The following FRMD4B variants were observed in gnomAD, a reference collection of about 807,000 sequenced individuals.
The protein encoded by FRMD4B is FERM domain containing 4B.
A neutral mutation model predicts 141.5 loss-of-function variants in FRMD4B; 74 were observed. That is an observed-to-expected ratio of 0.52 (90% CI 0.43 to 0.63). FRMD4B has a LOEUF of 0.63. Among genes scored for constraint, FRMD4B ranks in the 30% least tolerant of loss-of-function variants. FRMD4B has a pLI of 0.00. For synonymous variants in FRMD4B, 506 were observed against 467.9 expected (o/e 1.08, Z -1.05); for missense variants, 1,366 against 1,253.4 (o/e 1.09, Z -1.36).
chr3:69,381,996 CT>C (rs1704130553), intron 1 of FRMD4B, among the ~76,000 whole-genome samples: 1 of 152,022 alleles, frequency 6.6e-6, no homozygotes, highest in South Asian at 2.1e-4. Flanking sequence ...CTTAAGGAGC[CT>C]TTTTAGATTT....
intron 1 of FRMD4B, among the ~76,000 whole-genome samples, chr3:69,537,076 A>G (rs1003025446): frequency 2.6e-5 from 4 of 152,208 alleles, no homozygotes; most frequent in African/African-American, 9.6e-5. Context: ...AATTTAATCT[A>G]TTAAATAGAT....
intron 1 of FRMD4B, among the ~76,000 whole-genome samples, chr3:69,447,254 GAGGTTGGCCAAATGTAGT>G (rs1453573277): frequency 6.6e-6 from 1 of 152,068 alleles, no homozygotes; most frequent in Non-Finnish European, 1.5e-5. Context: ...GAAAATCTGT[GAGGTTGGCCAAATGTAGT>G]TATTGTACCT....
At chr3:69,446,336 TTTA>T (rs1386726249) in intron 1 of FRMD4B, among the ~76,000 whole-genome samples, 1 of 151,390 alleles carries the variant, frequency 6.6e-6, no homozygotes, top group Non-Finnish European at 1.5e-5. Flanking sequence ...TACAAATTTT[TTTA>T]TTTTTTTTCT....
At chr3:69,267,831 T>A (rs1457106588) in intron 5 of FRMD4B, among the ~76,000 whole-genome samples, 1 of 149,614 alleles carries the variant, frequency 6.7e-6, no homozygotes, top group Non-Finnish European at 1.5e-5. Flanking sequence ...TGAGATTTCA[T>A]CATGTTGGCC....
intron 1 of FRMD4B, among the ~76,000 whole-genome samples, chr3:69,484,605 AG>A (rs1706183661): frequency 6.6e-6 from 1 of 152,130 alleles, no homozygotes; most frequent in Non-Finnish European, 1.5e-5. Flanking sequence ...AGCAGAGAGG[AG>A]TCCCTGGAGA....
Position 69,514,304 on chromosome 3 carries a change from T to C in FRMD4B, c.-129+27902A>G, listed in dbSNP as rs182418859. Among the ~76,000 whole-genome samples the C allele has an allele frequency of 1.7e-3, 253 of 152,176 alleles. 1 individual carries two copies. The highest frequency in any genetic ancestry group is 5.8e-3 in the African/African-American group (242 of 41,530). ...ATTAGGGAAACAATTTCATTTACCA[T>C]GGCATCAAAAAGAATAAAATATTTA... is the stretch of plus-strand genomic sequence containing the variant. On this transcript the variant is annotated intron_variant, in intron 1 of 5. Transcript: ENST00000459638.
intron 1 of FRMD4B, among the ~76,000 whole-genome samples, chr3:69,344,619 C>G (rs1702866425): frequency 6.6e-6 from 1 of 151,994 alleles, no homozygotes; most frequent in Non-Finnish European, 1.5e-5. Flanking sequence ...GAGTCCAGCT[C>G]TCTCTCTCTC....
intron 7 of FRMD4B, among the ~76,000 whole-genome samples, chr3:69,231,119 G>A (rs2107784542): frequency 6.6e-6 from 1 of 152,326 alleles, no homozygotes; most frequent in South Asian, 2.1e-4. Context: ...AATACTGGGT[G>A]CTATAGGCTT....
rs538944380 is a variant in FRMD4B, at chr3:69,431,334, C to T, written c.-1+1300G>A. Among the ~76,000 whole-genome samples, 40 of 152,302 alleles carry T rather than the reference C, an allele frequency of 2.6e-4. 1 individual carries two copies. In the East Asian group the frequency reaches 7.5e-3, roughly 29 times the overall value. ...TGAGAAGTACACTGAGCCCCTGTAGCTTTTTTCTATCTGTGCCTGGCACCC... is the reference window on the plus strand; with the variant it reads ...TGAGAAGTACACTGAGCCCCTGTAGTTTTTTTCTATCTGTGCCTGGCACCC... On this transcript the variant is annotated intron_variant, in intron 2 of 5. Coordinates refer to the FRMD4B transcript ENST00000459638.
intron 2 of FRMD4B, among the ~76,000 whole-genome samples, chr3:69,432,103 A>T (rs1175383985): frequency 6.6e-6 from 1 of 152,212 alleles, no homozygotes; most frequent in Admixed American, 6.5e-5. Context: ...AAAATGGAAA[A>T]TAAAACGCCA....
At chr3:69,274,935 C>T (rs1037793249) in intron 5 of FRMD4B, among the ~76,000 whole-genome samples, 2 of 152,138 alleles carry the variant, frequency 1.3e-5, no homozygotes, top group African/African-American at 4.8e-5. Context: ...CCTCACTGTG[C>T]TAGTTTATAT....
chr3:69,407,559 A>T (rs1704670017), intron 2 of FRMD4B, among the ~76,000 whole-genome samples: 1 of 152,216 alleles, frequency 6.6e-6, no homozygotes, highest in Admixed American at 6.5e-5. Flanking sequence ...TGACATGGCA[A>T]CCCAAACGAT....
intron 13 of FRMD4B, 148 bp downstream of exon 13, chr3:69,196,752 T>C (rs1214173277): frequency 1.1e-5 from 7 of 640,760 alleles, no homozygotes; most frequent in Non-Finnish European, 1.9e-5. Context: ...TGTAAACATA[T>C]AAAAAACCTG....
chr3:69,353,124 G>T (rs991318472), intron 1 of FRMD4B, among the ~76,000 whole-genome samples: 3 of 152,012 alleles, frequency 2.0e-5, no homozygotes, highest in Admixed American at 6.6e-5. Context: ...AAAGGAGAGT[G>T]GTGGGAGCAG....
At chr3:69,398,081 A>G (rs1272160343) in intron 2 of FRMD4B, among the ~76,000 whole-genome samples, 1 of 152,190 alleles carries the variant, frequency 6.6e-6, no homozygotes, top group African/African-American at 2.4e-5. Flanking sequence ...AATACTGTAC[A>G]TGAGCTCAGT....
At chr3:69,379,095 T>C (rs1306169794) in intron 1 of FRMD4B, among the ~76,000 whole-genome samples, 1 of 152,222 alleles carries the variant, frequency 6.6e-6, no homozygotes, top group East Asian at 1.9e-4. Context: ...TATTTTGATT[T>C]TGTGTTTCTA....
intron 7 of FRMD4B, among the ~76,000 whole-genome samples, chr3:69,233,052 C>T (rs753385355): frequency 5.3e-5 from 8 of 151,684 alleles, no homozygotes; most frequent in Non-Finnish European, 1.0e-4. Flanking sequence ...ACACCAGCTC[C>T]GCATTTCACT....
intron 1 of FRMD4B, among the ~76,000 whole-genome samples, chr3:69,509,705 T>C (rs995435329): frequency 5.9e-5 from 9 of 152,204 alleles, no homozygotes; most frequent in African/African-American, 2.2e-4. Context: ...TTCACAGATA[T>C]TAATTTTTTG....
At chr3:69,365,289 A>G (rs774446961) in intron 1 of FRMD4B, among the ~76,000 whole-genome samples, 7 of 152,192 alleles carry the variant, frequency 4.6e-5, no homozygotes, top group African/African-American at 9.6e-5. Flanking sequence ...GTTTCCCCCA[A>G]TGTTATCGGG....
Sources: allele counts gnomAD v4.1 joint callset (sites outside exome capture counted in the v4.1 genomes callset), GRCh38; gene constraint gnomAD v4.1.1; transcripts MANE v1.5; gene names NCBI Gene and HGNC (gene_info 2026-07-23, HGNC 2026-07-21).